KIF27: variants seen among roughly 807,000 people sequenced by gnomAD.
The protein encoded by KIF27 is kinesin family member 27, also known as kinesin-like protein KIF27.
Under a neutral mutation model 141.8 loss-of-function variants are expected in KIF27, and 84 were observed. The ratio of observed to expected loss-of-function variants is 0.59; its 90% CI spans 0.50 to 0.71. The LOEUF (loss-of-function observed/expected upper bound fraction) is 0.71. KIF27 is among the 30% of genes least tolerant of loss of function. KIF27 has a pLI of 0.00. For synonymous variants in KIF27, 471 were observed against 569.5 expected, an observed-to-expected ratio of 0.83 and a Z score of 2.46; for missense variants, 1,306 against 1,628.4, an observed-to-expected ratio of 0.80 and a Z score of 3.41.
intron 13 of KIF27, among the ~76,000 whole-genome samples, chr9:83,865,954 A>C (rs961095024): frequency 7.9e-5 from 12 of 152,226 alleles, no homozygotes; most frequent in African/African-American, 2.9e-4. Flanking sequence ...CCGGCTAGGA[A>C]GTATAAATCT....
Position 83,842,709 on chromosome 9 carries a change from G to A in KIF27, c.3557-308C>T, listed in dbSNP as rs181382813. Among the ~76,000 whole-genome samples, 1,180 of 152,082 alleles carry A rather than the reference G, an allele frequency of 7.8e-3. 13 individuals carry two copies. The highest frequency in any genetic ancestry group is 0.021 in the Middle Eastern group (6 of 292). ...TCTCGATCTCCTGACCTCGTGATCCGCCCGCCTCGGCCTCCCAAAGTGCTG... is the reference window on the plus strand; with the variant it reads ...TCTCGATCTCCTGACCTCGTGATCCACCCGCCTCGGCCTCCCAAAGTGCTG... On this transcript the variant is annotated intron_variant, in intron 16 of 17. Transcript: ENST00000297814.
chr9:83,918,504 A>C (rs188519090), intron 1 of KIF27, among the ~76,000 whole-genome samples: 1 of 152,340 alleles, frequency 6.6e-6, no homozygotes, highest in East Asian at 1.9e-4. Flanking sequence ...ATATATAAAT[A>C]TTATAACTCA....
At chr9:83,904,856 T>A (rs1954335056) in intron 3 of KIF27, among the ~76,000 whole-genome samples, 1 of 151,966 alleles carries the variant, frequency 6.6e-6, no homozygotes, top group Non-Finnish European at 1.5e-5. Context: ...AGTAAAAAAT[T>A]CAATACAAAT....
intron 16 of KIF27, among the ~76,000 whole-genome samples, chr9:83,848,355 ATATC>A (rs1324937723): frequency 1.5e-5 from 2 of 129,446 alleles, no homozygotes; most frequent in Non-Finnish European, 3.1e-5. Flanking sequence ...GTATCTATAT[ATATC>A]TACATATATC....
At chr9:83,859,617 C>T (rs1289113030) in intron 13 of KIF27, 12 of 397,924 alleles carry the variant, frequency 3.0e-5, no homozygotes, top group Admixed American at 1.2e-4. Context: ...CTGCAACCTC[C>T]GCTTCCCAGG....
intron 13 of KIF27, among the ~76,000 whole-genome samples, chr9:83,863,454 T>C (rs1220351263): frequency 2.6e-5 from 4 of 152,186 alleles, no homozygotes; most frequent in South Asian, 2.1e-4. Flanking sequence ...TTGTCTTTGG[T>C]TCTGTTTATA....
At chr9:83,873,943 T>C (rs1454089756) in intron 11 of KIF27, among the ~76,000 whole-genome samples, 4 of 151,884 alleles carry the variant, frequency 2.6e-5, no homozygotes, top group Non-Finnish European at 5.9e-5. Flanking sequence ...TCCCAGCTAC[T>C]TGGGAGGCTG....
At position 83,834,341 on chromosome 9, in the gene KIF27, A is replaced by G. The variant is rs557271327; in HGVS notation, c.*2660T>C. On this transcript the variant is annotated 3_prime_UTR_variant, in exon 18 of 18. Coordinates refer to ENST00000297814, the MANE Select transcript of KIF27 (RefSeq NM_017576.4). ...GAACACCGACTAAACTAGAATGACC[A>G]GAGGTTCATTTCCAGAATATATTAT... Among the ~76,000 whole-genome samples the G allele has an allele frequency of 3.3e-5, 5 of 152,216 alleles. No individual in the cohort carries two copies. Among genetic ancestry groups the G allele is most frequent in the African/African-American group, 1.2e-4 (5 of 41,560 alleles).
Position 83,903,593 on chromosome 9 carries a change from T to C in KIF27, c.925A>G (p.Ser309Gly). Residue 309 changes from serine (S) to glycine (G), a missense_variant, in exon 4 of 18, where the codon AGT becomes GGT. Transcript: ENST00000297814. Reference sequence around the variant, plus strand: ...CATGTGATCATGACAGTCTTAGCACTGCCTCCCAGAGAATCTTTCAGAAGC... The same window carrying C: ...CATGTGATCATGACAGTCTTAGCACCGCCTCCCAGAGAATCTTTCAGAAGC... The part of the protein sequence containing the change: ...TRLLKDSLGG[S>G]AKTVMITCVS... 6.2e-7 allele frequency: 1 copy of C among 1,614,206 alleles called. No individual in the cohort carries two copies. The highest frequency in any genetic ancestry group is 8.5e-7 in the Non-Finnish European group (1 of 1,180,040).
At chr9:83,868,066 A>C in intron 12 of KIF27, 2 of 531,664 alleles carry the variant, frequency 3.8e-6, no homozygotes, top group Non-Finnish European at 6.2e-6. Flanking sequence ...AAGAATTAAA[A>C]TTTACTCCCC....
rs1159901509 is a variant in KIF27, at chr9:83,837,255, C to T, written c.3952G>A (p.Gly1318Ser). The part of the protein sequence containing the change: ...SLAPPSGHML[G>S]NENKTETDDN... ...TCTGTTTCTGTTTTATTCTCATTAC[C>T]TAACATATGCCCACTGGGGGGTGCT... The change falls in exon 18 of 18, where the codon GGT becomes AGT. Residue 1318 changes from glycine (G) to serine (S), a missense_variant. Around this residue, in one of 4 missense-constraint regions of KIF27, gnomAD observed 148 missense variants for 250.9 expected, o/e 0.59. Transcript: ENST00000297814. 2 of 1,612,964 alleles carry T rather than the reference C, an allele frequency of 1.2e-6. No homozygotes were observed. The highest frequency in any genetic ancestry group is 2.2e-5 in the East Asian group (1 of 44,866).
chr9:83,860,199 A>G (rs1270682032), intron 13 of KIF27: 3 of 152,176 alleles, frequency 2.0e-5, no homozygotes, highest in Non-Finnish European at 1.5e-5. Context: ...ATTTGTATAT[A>G]CTACCATAAG....
intron 1 of KIF27, among the ~76,000 whole-genome samples, 157 bp downstream of exon 1, chr9:83,921,214 C>A (rs982706132): frequency 6.6e-6 from 1 of 152,118 alleles, no homozygotes; most frequent in Admixed American, 6.5e-5. Context: ...CCTCCGCTAC[C>A]CACCCGCGGC....
rs1301815809 is a variant in KIF27 at position 83,867,799 on chromosome 9, T to C, written c.2819A>G (p.Gln940Arg). 1 of 1,613,612 alleles carries C rather than the reference T, an allele frequency of 6.2e-7. No homozygotes were observed. The highest frequency in any genetic ancestry group is 1.1e-5 in the South Asian group (1 of 90,992). Residue 940 changes from glutamine (Q) to arginine (R), a missense_variant, in exon 13 of 18, where the codon CAA (glutamine) becomes CGA (arginine). Physicochemically the swap from Gln to Arg is conservative, Grantham distance 43. Coordinates refer to ENST00000297814, the MANE Select transcript of KIF27 (RefSeq NM_017576.4). ...GTCTGCTTCCAGCTCCTCTAATTCT[T>C]GGCGTTGGTTCAGAACTTTCTCTAC... ...EEVEKVLNQR[Q>R]ELEELEADLK...
At chr9:83,841,451 G>A (rs1396072005) in intron 17 of KIF27, among the ~76,000 whole-genome samples, 1 of 152,092 alleles carries the variant, frequency 6.6e-6, no homozygotes, top group East Asian at 1.9e-4. Context: ...CTTACATCTT[G>A]TGTGCCCATC....
chr9:83,920,042 G>C (rs1956104531), intron 1 of KIF27, among the ~76,000 whole-genome samples: 1 of 152,114 alleles, frequency 6.6e-6, no homozygotes, highest in African/African-American at 2.4e-5. Flanking sequence ...GACCAGCCTG[G>C]GCAACATGGT....
intron 13 of KIF27, chr9:83,860,152 A>C (rs912931534): frequency 6.6e-6 from 1 of 152,220 alleles, no homozygotes; most frequent in Admixed American, 6.5e-5. Flanking sequence ...CTATGGTCAA[A>C]TATCAGGTAA....
Position 83,836,365 on chromosome 9 carries a change from T to C in KIF27, c.*636A>G, listed in dbSNP as rs1470667038. ...AGAGCAGGAAAGACATGAAAACTTA[T>C]ATTGCATAATATTAGCAAACATAAA... is the stretch of plus-strand genomic sequence containing the variant. On this transcript the variant is annotated 3_prime_UTR_variant, in exon 18 of 18. Coordinates refer to ENST00000297814, the MANE Select transcript of KIF27 (RefSeq NM_017576.4). Among the ~76,000 whole-genome samples, 1 of 152,180 alleles carries C rather than the reference T, an allele frequency of 6.6e-6. No individual in the cohort carries two copies. The highest frequency in any genetic ancestry group is 2.4e-5 in the African/African-American group (1 of 41,442).
intron 17 of KIF27, among the ~76,000 whole-genome samples, chr9:83,841,301 C>T (rs1946533859): frequency 6.6e-6 from 1 of 152,194 alleles, no homozygotes; most frequent in Non-Finnish European, 1.5e-5. Flanking sequence ...GAACTCCTAA[C>T]CTCCGGTGAT....
Sources: gnomAD v4.1 joint callset for allele counts (sites outside exome capture counted in the v4.1 genomes callset) on GRCh38, gnomAD v4.1.1 for gene constraint, gnomAD v4.1.1 regional missense constraint, MANE v1.5 for transcripts, NCBI Gene and HGNC (gene_info 2026-07-23, HGNC 2026-07-21) for gene names.